Variants in MMP15 observed in about 807,000 individuals in gnomAD.
The protein encoded by MMP15 is matrix metallopeptidase 15.
Under a neutral mutation model 65.0 loss-of-function variants are expected in MMP15, and 36 were observed. The observed-to-expected ratio is 0.55, with a 90% CI of 0.42 to 0.73. The LOEUF is 0.73. MMP15 is among the 30% of genes least tolerant of loss of function. The pLI is 0.00. For missense variants in MMP15, 870 were observed against 987.8 expected, an observed-to-expected ratio of 0.88 and a Z score of 1.60; for synonymous variants, 428 against 410.2, an observed-to-expected ratio of 1.04 and a Z score of -0.52.
intron 5 of MMP15, chr16:58,040,962 TCTC>T (rs1300774009): frequency 1.8e-6 from 1 of 560,604 alleles, no homozygotes; most frequent in African/African-American, 1.9e-5. Flanking sequence ...ATGACCCTCC[TCTC>T]CTCCTCACCC....
In MMP15 at chr16:58,045,382, T is replaced by C. The variant is rs1320261999; in HGVS notation, c.1946T>C (p.Met649Thr). Residue 649 changes from methionine to threonine, a missense_variant, in exon 10 of 10, where the codon ATG (methionine) becomes ACG (threonine). Transcript: ENST00000219271. ...VLGLTYALVQMQRKGAPRVLL... is the reference protein window; with the variant it reads ...VLGLTYALVQTQRKGAPRVLL... ...GGCCTCACCTACGCGCTGGTGCAGATGCAGCGCAAGGGTGCGCCACGTGTC... is the reference window on the plus strand; with the variant it reads ...GGCCTCACCTACGCGCTGGTGCAGACGCAGCGCAAGGGTGCGCCACGTGTC... 2 of 1,589,034 alleles carry C rather than the reference T, an allele frequency of 1.3e-6. No individual in the cohort carries two copies. Among genetic ancestry groups the C allele is most frequent in the Non-Finnish European group, 1.7e-6 (2 of 1,170,192 alleles).
chr16:58,028,925 C>G (rs1023373273), intron 1 of MMP15, among the ~76,000 whole-genome samples: 2 of 152,262 alleles, frequency 1.3e-5, no homozygotes, highest in South Asian at 2.1e-4. Flanking sequence ...AGATCCCCAC[C>G]TGGCTGAGGT....
rs1177744697 is a variant in MMP15, at chr16:58,045,247, G to A, written c.1811G>A (p.Gly604Glu). 1 of 1,607,080 alleles carries A rather than the reference G, an allele frequency of 6.2e-7. No homozygotes were observed. The highest frequency in any genetic ancestry group is 1.1e-5 in the South Asian group (1 of 89,620). Residue 604 changes from glycine to glutamate, a missense_variant, in exon 10 of 10, where the codon GGG becomes GAG. Gly to Glu is a moderately conservative substitution (Grantham distance 98). Transcript: ENST00000219271. The stretch of plus-strand genomic sequence containing the variant: ...GATGGGGATGGGGACTTTGGGGCCG[G>A]GGTCAACAAGGACGGGGGCAGCCGC... ...VGDGDGDFGA[G>E]VNKDGGSRVV...
At position 58,037,574 on chromosome 16, in the gene MMP15, T is replaced by C. The variant is rs1959358226; in HGVS notation, c.265T>C (p.Phe89Leu). ...LASALAEMQR[F>L]YGIPVTGVLD... ...CTCGGCCCTTGCAGAGATGCAGCGC[T>C]TCTACGGGATCCCAGTCACCGGTGT... The change falls in exon 2 of 10, where the codon TTC (phenylalanine) becomes CTC (leucine). Residue 89 changes from phenylalanine (F) to leucine (L), a missense_variant. By Grantham distance (22) the Phe-to-Leu change is conservative. Coordinates refer to ENST00000219271, the MANE Select transcript of MMP15 (RefSeq NM_002428.4). 6.2e-7 allele frequency: 1 copy of C among 1,614,174 alleles called. No homozygotes were observed. Among genetic ancestry groups the C allele is most frequent in the African/African-American group, 1.3e-5 (1 of 75,034 alleles).
chr16:58,039,960 C>T lies in MMP15; in HGVS notation c.526C>T (p.Pro176Ser), dbSNP rs773736310. The change falls in exon 4 of 10, where the codon CCC becomes TCC. Residue 176 changes from proline (P) to serine (S), a missense_variant. By Grantham distance (74) the Pro-to-Ser change is moderately conservative. Coordinates refer to ENST00000219271, the MANE Select transcript of MMP15 (RefSeq NM_002428.4). ...RAFRVWEQAT[P>S]LVFQEVPYED... ...CTTCCGCGTGTGGGAGCAGGCCACGCCCCTGGTCTTCCAGGAGGTGCCCTA... is the reference window on the plus strand; with the variant it reads ...CTTCCGCGTGTGGGAGCAGGCCACGTCCCTGGTCTTCCAGGAGGTGCCCTA... The T allele has an allele frequency of 5.0e-6, 8 of 1,613,864 alleles. No homozygotes were observed. The East Asian group carries it at 6.7e-5, about 13-fold the overall frequency.
chr16:58,043,947 T>C (rs1368708132), intron 9 of MMP15, among the ~76,000 whole-genome samples: 3 of 152,226 alleles, frequency 2.0e-5, no homozygotes, highest in Non-Finnish European at 2.9e-5. Flanking sequence ...GGAACTGCCC[T>C]GATGCCCACA....
In MMP15 at chr16:58,026,146, T is replaced by G; in HGVS notation, c.-205T>G. On this transcript the variant is annotated 5_prime_UTR_variant, in exon 1 of 10. Transcript: ENST00000219271. The stretch of plus-strand genomic sequence containing the variant: ...CCGGTCGGCCCCCTTTCCCGCCGGC[T>G]GGTTCCGAGCTCCCGGACCTGCCCT... The G allele has an allele frequency of 6.4e-6, 3 of 466,742 alleles. No homozygotes were observed. Among genetic ancestry groups the G allele is most frequent in the Non-Finnish European group, 1.0e-5 (3 of 292,876 alleles). The allele number at this position is 466,742 out of a possible 1,614,324, so 28.9% of individuals were successfully genotyped here. A position where few individuals can be genotyped will look rare whatever the true frequency, so the allele number is the denominator to read the frequency against.
At chr16:58,038,480 C>T in intron 3 of MMP15, 86 bp downstream of exon 3, 1 of 1,547,878 alleles carries the variant, frequency 6.5e-7, no homozygotes. Flanking sequence ...CCTCGGCGCC[C>T]AGCCTTAACA....
intron 4 of MMP15, 56 bp from the exon 5 acceptor site, chr16:58,040,481 T>C: frequency 6.3e-7 from 1 of 1,584,362 alleles, no homozygotes; most frequent in South Asian, 1.1e-5. Flanking sequence ...TCCAGGGTGA[T>C]TGGGTCCTGG....
chr16:58,040,736 C>T (rs1181830407), intron 5 of MMP15, 38 bp downstream of exon 5: 9 of 1,613,114 alleles, frequency 5.6e-6, no homozygotes, highest in African/African-American at 4.0e-5. Flanking sequence ...GCATGCCGCT[C>T]TCAAGTCCCT....
At chr16:58,041,346 C>G (rs1253191134) in intron 5 of MMP15, among the ~76,000 whole-genome samples, 2 of 152,182 alleles carry the variant, frequency 1.3e-5, no homozygotes, top group Non-Finnish European at 2.9e-5. Flanking sequence ...CTGGAGCAGG[C>G]TGGCATCCCA....
chr16:58,034,472 G>C (rs1231412319), intron 1 of MMP15, among the ~76,000 whole-genome samples: 1 of 152,108 alleles, frequency 6.6e-6, no homozygotes, highest in Non-Finnish European at 1.5e-5. Context: ...AAAGGAGGAA[G>C]CTCACAGTCC....
chr16:58,038,560 G>A (rs891764681), intron 3 of MMP15, among the ~76,000 whole-genome samples, 166 bp downstream of exon 3: 2 of 152,158 alleles, frequency 1.3e-5, no homozygotes, highest in African/African-American at 2.4e-5. Flanking sequence ...GGAAGGTCAG[G>A]ACACTTCAAG....
At chr16:58,044,521 G>T (rs895400869) in intron 9 of MMP15, among the ~76,000 whole-genome samples, 3 of 152,184 alleles carry the variant, frequency 2.0e-5, no homozygotes, top group Admixed American at 6.5e-5. Flanking sequence ...CTGATCTCTT[G>T]TGCTCACCCC....
chr16:58,032,198 T>C (rs1263316341), intron 1 of MMP15, among the ~76,000 whole-genome samples: 1 of 152,220 alleles, frequency 6.6e-6, no homozygotes, highest in Non-Finnish European at 1.5e-5. Flanking sequence ...TTGGGGGTAG[T>C]TGCGCCATCG....
chr16:58,033,976 A>G (rs1348598141), intron 1 of MMP15, among the ~76,000 whole-genome samples: 1 of 152,260 alleles, frequency 6.6e-6, no homozygotes, highest in Non-Finnish European at 1.5e-5. Context: ...CCGAAGCTGC[A>G]GAAGGGAGGG....
chr16:58,042,503 G>A, intron 7 of MMP15, 134 bp downstream of exon 7: 5 of 1,279,324 alleles, frequency 3.9e-6, no homozygotes, highest in East Asian at 2.4e-5. Flanking sequence ...GCTCACTCTG[G>A]GAGGATGAGG....
intron 1 of MMP15, among the ~76,000 whole-genome samples, chr16:58,034,528 C>T (rs1294852940): frequency 2.0e-5 from 3 of 152,138 alleles, no homozygotes; most frequent in Admixed American, 2.0e-4. Context: ...GGGCACTTGG[C>T]GTTCAGTCAC....
At chr16:58,030,742 A>G (rs1333693814) in intron 1 of MMP15, among the ~76,000 whole-genome samples, 2 of 152,196 alleles carry the variant, frequency 1.3e-5, no homozygotes, top group South Asian at 2.1e-4. Context: ...ATAGTGCACA[A>G]CACGGTGGCC....
Sources: allele counts gnomAD v4.1 joint callset (sites outside exome capture counted in the v4.1 genomes callset), GRCh38; gene constraint gnomAD v4.1.1; transcripts MANE v1.5; gene names NCBI Gene and HGNC (gene_info 2026-07-23, HGNC 2026-07-21).